Variants in CCL22 observed in about 807,000 individuals in gnomAD.
The protein encoded by CCL22 is C-C motif chemokine ligand 22.
Under a neutral mutation model 7.6 loss-of-function variants are expected in CCL22, and 7 were observed. The observed-to-expected ratio is 0.92, with a 90% confidence interval of 0.52 to 1.72. The LOEUF is 1.72. CCL22 is among the 40% of genes most tolerant of loss of function. The pLI, the probability that CCL22 is intolerant of heterozygous loss-of-function variation, is 0.00. For missense variants in CCL22, 115 were observed against 124.7 expected, an observed-to-expected ratio of 0.92 and a Z score of 0.37; for synonymous variants, 55 against 47.2, an observed-to-expected ratio of 1.17 and a Z score of -0.68.
chr16:57,358,767 C>G, upstream of CCL22: 1 of 1,404,688 alleles, frequency 7.1e-7, no homozygotes, highest in Non-Finnish European at 1.0e-6. Context: ...AATAGCAGGT[C>G]TTCCTATGTC....
chr16:57,363,536 C>A lies in CCL22; in HGVS notation c.230C>A (p.Ala77Asp), dbSNP rs777890031. 5.5e-5 allele frequency: 89 copies of A among 1,613,278 alleles called. No individual in the cohort carries two copies. Among genetic ancestry groups the A allele is most frequent in the Non-Finnish European group, 3.4e-6 (4 of 1,179,530 alleles). ...LLTFRDKEIC[A>D]DPRVPWVKMI... Reference sequence around the variant, plus strand: ...ACCTTCAGGGATAAGGAGATCTGTGCCGATCCCAGAGTGCCCTGGGTGAAG... The same window carrying A: ...ACCTTCAGGGATAAGGAGATCTGTGACGATCCCAGAGTGCCCTGGGTGAAG... Residue 77 changes from alanine (A) to aspartate (D), a missense_variant, in exon 3 of 3, where the codon GCC (alanine) becomes GAC (aspartate). Coordinates refer to ENST00000219235, the MANE Select transcript of CCL22 (RefSeq NM_002990.5).
Position 57,365,199 on chromosome 16 carries a change from G to A in CCL22, c.*1611G>A, listed in dbSNP as rs1229694777. The stretch of plus-strand genomic sequence containing the variant: ...TTCCTTCTCCCCTCAGGCTTTTTTT[G>A]GGTGGTCCTCCAACCTCCAATACCC... On this transcript the variant is annotated 3_prime_UTR_variant, in exon 3 of 3. Transcript: ENST00000219235. The A allele has an allele frequency of 6.6e-6, 1 of 151,362 alleles. No individual in the cohort carries two copies. Among genetic ancestry groups the A allele is most frequent in the Non-Finnish European group, 1.5e-5 (1 of 67,888 alleles). 9.4% of individuals were successfully genotyped at this position (151,362 alleles called of 1,614,324 possible).
chr16:57,361,331 G>A (rs913957780), intron 2 of CCL22, among the ~76,000 whole-genome samples: 1 of 151,438 alleles, frequency 6.6e-6, no homozygotes, highest in Admixed American at 6.6e-5. Context: ...AGAAGTCCAA[G>A]GCAGCCCATT....
At chr16:57,363,438 C>T (rs1425905413) in intron 2 of CCL22, 66 bp from the exon 3 acceptor site, 3 of 1,043,722 alleles carry the variant, frequency 2.9e-6, no homozygotes, top group East Asian at 2.4e-5. Flanking sequence ...GCTAAGCTCC[C>T]GAGGGTGTGG....
At chr16:57,362,890 CA>C (rs1902064977) in intron 2 of CCL22, among the ~76,000 whole-genome samples, 3 of 150,246 alleles carry the variant, frequency 2.0e-5, no homozygotes, top group Admixed American at 1.3e-4. Flanking sequence ...AAAACAAAAA[CA>C]AAAACAAAAC....
upstream of CCL22, chr16:57,358,664 T>C: frequency 1.5e-6 from 1 of 664,534 alleles, no homozygotes; most frequent in Admixed American, 2.2e-5. Flanking sequence ...TGGGAGGTAG[T>C]TCTTCTTTTG....
chr16:57,360,533 C>T lies in CCL22; in HGVS notation c.170C>T (p.Ser57Leu), dbSNP rs1902037349. 6 of 1,614,066 alleles carry T rather than the reference C, an allele frequency of 3.7e-6. 1 individual carries two copies. The South Asian group carries it at 6.6e-5, about 18-fold the overall frequency. Residue 57 changes from serine (S) to leucine (L), a missense_variant, in exon 2 of 3, where the codon TCA (serine) becomes TTA (leucine). Physicochemically the swap from Ser to Leu is moderately radical, Grantham distance 145. Coordinates refer to ENST00000219235, the MANE Select transcript of CCL22 (RefSeq NM_002990.5). ...LRVVKHFYWT[S>L]DSCPRPGVVL... The stretch of plus-strand genomic sequence containing the variant: ...GTGGTGAAACACTTCTACTGGACCT[C>T]AGACTCCTGCCCGAGGCCTGGCGTG...
chr16:57,362,517 A>C (rs998369703), intron 2 of CCL22, among the ~76,000 whole-genome samples: 12 of 152,112 alleles, frequency 7.9e-5, no homozygotes, highest in Non-Finnish European at 1.6e-4. Flanking sequence ...AAGGGACCCT[A>C]GAAAGAATGT....
chr16:57,365,746 C>T lies in CCL22; in HGVS notation c.*2158C>T, dbSNP rs1271305474. On this transcript the variant is annotated 3_prime_UTR_variant, in exon 3 of 3. Coordinates refer to ENST00000219235, the MANE Select transcript of CCL22 (RefSeq NM_002990.5). ...CGTGAGTCACTGCGCCTGGCTTCCT[C>T]TTCCTCTTGAGAAATATTCTTTTCA... 1 of 152,370 alleles carries T rather than the reference C, an allele frequency of 6.6e-6. No homozygotes were observed. The highest frequency in any genetic ancestry group is 1.9e-4 in the East Asian group (1 of 5,198). 9.4% of individuals were successfully genotyped at this position (152,370 alleles called of 1,614,324 possible). A position where few individuals can be genotyped will look rare whatever the true frequency, so the allele number is the denominator to read the frequency against.
chr16:57,360,433 C>T lies in CCL22; in HGVS notation c.74-4C>T. ...TGTGAATTCACTGGGGACCCCTCCC[C>T]TAGGCCCCTACGGCGCCAACATGGA... On this transcript the variant is annotated splice_polypyrimidine_tract_variant and splice_region_variant and intron_variant, in intron 1 of 2. Transcript: ENST00000219235. 3.1e-6 allele frequency: 5 copies of T among 1,614,168 alleles called. No homozygotes were observed. The highest frequency in any genetic ancestry group is 4.2e-6 in the Non-Finnish European group (5 of 1,180,014).
At chr16:57,360,231 T>C (rs1597989935) in intron 1 of CCL22, among the ~76,000 whole-genome samples, 1 of 152,328 alleles carries the variant, frequency 6.6e-6, no homozygotes, top group East Asian at 1.9e-4. Context: ...TCCCAGAGTG[T>C]AGACATTGGA....
At chr16:57,363,412 T>C in intron 2 of CCL22, 92 bp from the exon 3 acceptor site, 1 of 749,584 alleles carries the variant, frequency 1.3e-6, no homozygotes, top group South Asian at 1.5e-5. Context: ...CTGCATAAAG[T>C]AGGTGGCTCA....
At position 57,364,801 on chromosome 16, in the gene CCL22, C is replaced by CG. The variant is rs796311331; in HGVS notation, c.*1213_*1214insG. 1.2e-5 allele frequency: 1 copy of CG among 84,040 alleles called. No individual in the cohort carries two copies. The highest frequency in any genetic ancestry group is 2.5e-5 in the Non-Finnish European group (1 of 40,410). 5.2% of individuals were successfully genotyped at this position (84,040 alleles called of 1,614,324 possible). A position where few individuals can be genotyped will look rare whatever the true frequency, so the allele number is the denominator to read the frequency against. Reference sequence around the variant, plus strand: ...GCCTCTTCCCTCTCCCCACCCCCCCCCCAACTTTTTTTTTTTTTTATGGCA... The same window carrying CG: ...GCCTCTTCCCTCTCCCCACCCCCCCCGCCAACTTTTTTTTTTTTTTATGGCA... On this transcript the variant is annotated 3_prime_UTR_variant, in exon 3 of 3. Transcript: ENST00000219235.
chr16:57,362,735 C>G (rs1040011527), intron 2 of CCL22, among the ~76,000 whole-genome samples: 1 of 151,474 alleles, frequency 6.6e-6, no homozygotes, highest in Admixed American at 6.6e-5. Flanking sequence ...GTGGCGGGCA[C>G]CTGTAATCCC....
chr16:57,360,289 C>T, intron 1 of CCL22, 148 bp from the exon 2 acceptor site: 1 of 980,188 alleles, frequency 1.0e-6, no homozygotes, highest in South Asian at 1.6e-5. Flanking sequence ...TTGGAGGGCT[C>T]AGAATCCTCT....
upstream of CCL22, chr16:57,358,749 G>T: frequency 8.3e-7 from 1 of 1,209,134 alleles, no homozygotes. Context: ...GGTGGAGCCA[G>T]CACCTTAAAT....
At chr16:57,362,437 G>C (rs1309877065) in intron 2 of CCL22, among the ~76,000 whole-genome samples, 4 of 152,100 alleles carry the variant, frequency 2.6e-5, no homozygotes, top group Non-Finnish European at 4.4e-5. Flanking sequence ...CCTCAATAGA[G>C]TGAGACCCTG....
intron 2 of CCL22, among the ~76,000 whole-genome samples, chr16:57,362,925 A>G (rs1902065376): frequency 6.6e-6 from 1 of 152,112 alleles, no homozygotes; most frequent in Admixed American, 6.6e-5. Context: ...ATTCTATTTC[A>G]TGGCCTGATC....
Position 57,363,845 on chromosome 16 carries a change from C to T in CCL22, c.*257C>T. 2 of 433,648 alleles carry T rather than the reference C, an allele frequency of 4.6e-6. No homozygotes were observed. Among genetic ancestry groups the T allele is most frequent in the South Asian group, 2.9e-5 (1 of 34,032 alleles). The allele number at this position is 433,648 out of a possible 1,614,324, so 26.9% of individuals were successfully genotyped here. ...CCATCAGCGATTCCCCTGCTTAAACCCTTCCATGACTCCCCACTGCCCTAA... is the reference window on the plus strand; with the variant it reads ...CCATCAGCGATTCCCCTGCTTAAACTCTTCCATGACTCCCCACTGCCCTAA... On this transcript the variant is annotated 3_prime_UTR_variant, in exon 3 of 3. Coordinates refer to ENST00000219235, the MANE Select transcript of CCL22 (RefSeq NM_002990.5).
Sources: gnomAD v4.1 joint callset for allele counts (sites outside exome capture counted in the v4.1 genomes callset) on GRCh38, gnomAD v4.1.1 for gene constraint, MANE v1.5 for transcripts, NCBI Gene and HGNC (gene_info 2026-07-23, HGNC 2026-07-21) for gene names.